RUNDC3B: variants seen among roughly 807,000 people sequenced by gnomAD.
RUNDC3B encodes the protein RUN domain containing 3B.
RUNDC3B carries 33 observed loss-of-function variants against 58.4 expected under a neutral mutation model. That is an observed-to-expected ratio of 0.56 (90% CI 0.43 to 0.75). RUNDC3B has a LOEUF of 0.75. Ranked by LOEUF, RUNDC3B falls within the 30% of genes least tolerant of loss-of-function variation. RUNDC3B has a pLI of 0.00. For synonymous variants in RUNDC3B, 193 were observed against 195.2 expected (o/e 0.99, Z 0.10); for missense variants, 501 against 535.7 (o/e 0.94, Z 0.64).
chr7:87,759,831 A>C (rs1224938868), intron 6 of RUNDC3B, among the ~76,000 whole-genome samples: 1 of 151,862 alleles, frequency 6.6e-6, no homozygotes, highest in Non-Finnish European at 1.5e-5. Flanking sequence ...TAGATACCTC[A>C]GTTACCCTTG....
At chr7:87,778,003 G>T (rs779572938) in intron 8 of RUNDC3B, 48 bp downstream of exon 8, 1 of 1,514,030 alleles carries the variant, frequency 6.6e-7, no homozygotes, top group Non-Finnish European at 8.9e-7. Flanking sequence ...TAAACATTAA[G>T]ACAAAATGTC....
intron 6 of RUNDC3B, among the ~76,000 whole-genome samples, chr7:87,752,753 G>C (rs1833094765): frequency 6.6e-6 from 1 of 152,026 alleles, no homozygotes; most frequent in African/African-American, 2.4e-5. Context: ...GCGTCTATTT[G>C]ATTCTTCTCT....
chr7:87,768,815 G>A lies in RUNDC3B; in HGVS notation c.630-1766G>A, dbSNP rs145240469. On this transcript the variant is annotated intron_variant, in intron 6 of 10. Transcript: ENST00000394654. ...ACTCTTATCTCAACTTTCCACTCAG[G>A]CTATGATTATTCATCTATAAATTTG... Among the ~76,000 whole-genome samples the A allele has an allele frequency of 9.9e-3, 1,501 of 152,058 alleles. 22 individuals are homozygous for A. Among genetic ancestry groups the A allele is most frequent in the African/African-American group, 0.033 (1,388 of 41,452 alleles).
intron 8 of RUNDC3B, among the ~76,000 whole-genome samples, chr7:87,781,078 A>G (rs1834895258): frequency 1.3e-5 from 2 of 152,330 alleles, no homozygotes; most frequent in South Asian, 2.1e-4. Context: ...TGCTTTGGGC[A>G]GTATGGTCAT....
chr7:87,776,870 A>G (rs1404826964), intron 7 of RUNDC3B, among the ~76,000 whole-genome samples: 1 of 152,118 alleles, frequency 6.6e-6, no homozygotes, highest in Non-Finnish European at 1.5e-5. Flanking sequence ...GAATAGGATA[A>G]CATGTAATAG....
At chr7:87,708,546 T>A (rs1829803248) in intron 3 of RUNDC3B, among the ~76,000 whole-genome samples, 1 of 152,194 alleles carries the variant, frequency 6.6e-6, no homozygotes, top group African/African-American at 2.4e-5. Flanking sequence ...TGTTTTCTTC[T>A]TATGGGTTTT....
chr7:87,765,565 G>A (rs185343775), intron 6 of RUNDC3B, among the ~76,000 whole-genome samples: 3 of 152,112 alleles, frequency 2.0e-5, no homozygotes, highest in Admixed American at 2.0e-4. Flanking sequence ...TGTCTTCCAG[G>A]AGCAAGTTGT....
chr7:87,746,326 A>C (rs1230233123), intron 6 of RUNDC3B, among the ~76,000 whole-genome samples: 1 of 152,168 alleles, frequency 6.6e-6, no homozygotes, highest in Non-Finnish European at 1.5e-5. Flanking sequence ...CATTTGCTCC[A>C]AGGTATAGTT....
At chr7:87,700,398 A>G (rs542766792) in intron 2 of RUNDC3B, 23 bp from the exon 3 acceptor site, 21 of 1,556,096 alleles carry the variant, frequency 1.3e-5, no homozygotes, top group African/African-American at 1.1e-4. Flanking sequence ...TTAAAATTTT[A>G]TATCGCAATT....
intron 10 of RUNDC3B, among the ~76,000 whole-genome samples, chr7:87,824,593 T>C (rs1362816563): frequency 2.0e-5 from 3 of 152,178 alleles, no homozygotes; most frequent in Non-Finnish European, 4.4e-5. Flanking sequence ...GGAAGGGACT[T>C]TGGAACTGGG....
At chr7:87,800,338 A>G (rs1160934159) in intron 8 of RUNDC3B, among the ~76,000 whole-genome samples, 1 of 152,194 alleles carries the variant, frequency 6.6e-6, no homozygotes, top group Non-Finnish European at 1.5e-5. Flanking sequence ...CAAAGTCTAG[A>G]ATATGGATTT....
At chr7:87,762,470 G>C (rs1160660128) in intron 6 of RUNDC3B, among the ~76,000 whole-genome samples, 1 of 150,952 alleles carries the variant, frequency 6.6e-6, no homozygotes, top group South Asian at 2.1e-4. Context: ...TTCCTTTCTT[G>C]TATTGTCTGC....
chr7:87,819,925 A>G (rs1584282766), intron 10 of RUNDC3B, among the ~76,000 whole-genome samples: 1 of 152,062 alleles, frequency 6.6e-6, no homozygotes, highest in Non-Finnish European at 1.5e-5. Context: ...AATGCCCACA[A>G]GAGAAAGCAG....
intron 1 of RUNDC3B, among the ~76,000 whole-genome samples, chr7:87,646,380 A>C (rs1333278952): frequency 1.3e-5 from 2 of 152,194 alleles, no homozygotes; most frequent in Admixed American, 1.3e-4. Flanking sequence ...TCAGACTGTT[A>C]AAGGTGGAAA....
At position 87,628,622 on chromosome 7, in the gene RUNDC3B, TGTGG is replaced by T. The variant is rs1434346728; in HGVS notation, c.-201_-198del. The T allele has an allele frequency of 9.2e-5, 29 of 316,734 alleles. No homozygotes were observed. Among genetic ancestry groups the T allele is most frequent in the East Asian group, 3.3e-4 (7 of 21,170 alleles). The allele number at this position is 316,734 out of a possible 1,614,324, so 19.6% of individuals were successfully genotyped here. A position where few individuals can be genotyped will look rare whatever the true frequency, so the allele number is the denominator to read the frequency against. On this transcript the variant is annotated 5_prime_UTR_variant, in exon 1 of 11. Transcript: ENST00000394654. ...GTGTGTGTGTGTGTGTGTGTGTGTGTGTGGAGCTCGGGTGCCAAGGGCGAGCCGT... is the reference window on the plus strand; with the variant it reads ...GTGTGTGTGTGTGTGTGTGTGTGTGTAGCTCGGGTGCCAAGGGCGAGCCGT...
intron 2 of RUNDC3B, among the ~76,000 whole-genome samples, chr7:87,680,148 T>A (rs1485238171): frequency 6.7e-6 from 1 of 150,298 alleles, no homozygotes; most frequent in Non-Finnish European, 1.5e-5. Flanking sequence ...GATCTTGTAA[T>A]AGTTTGCTGA....
chr7:87,681,133 A>C (rs1305545781), intron 2 of RUNDC3B, among the ~76,000 whole-genome samples: 2 of 150,666 alleles, frequency 1.3e-5, no homozygotes, highest in East Asian at 4.0e-4. Flanking sequence ...AACAAAACTC[A>C]TAAAGAAGTA....
At chr7:87,629,921 A>C (rs1330553417) in intron 1 of RUNDC3B, among the ~76,000 whole-genome samples, 1 of 107,700 alleles carries the variant, frequency 9.3e-6, no homozygotes, top group African/African-American at 5.1e-5. Context: ...AGACTTCGTC[A>C]AAAAAAAAAA....
At chr7:87,792,129 T>A (rs1435329723) in intron 8 of RUNDC3B, among the ~76,000 whole-genome samples, 2 of 152,114 alleles carry the variant, frequency 1.3e-5, no homozygotes, top group African/African-American at 4.8e-5. Flanking sequence ...AGAAAGTCCT[T>A]AATGATAAAG....
Sources: allele counts gnomAD v4.1 joint callset (sites outside exome capture counted in the v4.1 genomes callset), GRCh38; gene constraint gnomAD v4.1.1; transcripts MANE v1.5; gene names NCBI Gene and HGNC (gene_info 2026-07-23, HGNC 2026-07-21).